The following SLC25A28 variants were observed in gnomAD, a reference collection of about 807,000 sequenced individuals.
SLC25A28 encodes the protein solute carrier family 25 member 28, also known as mitoferrin-2.
Under a neutral mutation model 31.9 loss-of-function variants are expected in SLC25A28, and 10 were observed. The ratio of observed to expected loss-of-function variants is 0.31; its 90% confidence interval spans 0.19 to 0.53. The LOEUF (loss-of-function observed/expected upper bound fraction) is 0.53. Among genes scored for constraint, SLC25A28 ranks in the 20% least tolerant of loss-of-function variants. The pLI is 0.95. For synonymous variants in SLC25A28, 208 were observed against 203.6 expected, an observed-to-expected ratio of 1.02 and a Z score of -0.19; for missense variants, 256 against 490.3, an observed-to-expected ratio of 0.52 and a Z score of 4.51.
At chr10:99,655,934 G>A in the SLC25A28 span, among the ~76,000 whole-genome samples, 2 of 152,124 alleles carry the variant, frequency 1.3e-5, no homozygotes, top group Non-Finnish European at 2.9e-5. Flanking sequence ...GGCTATCAGC[G>A]GGATCTCCCA....
the SLC25A28 span, among the ~76,000 whole-genome samples, chr10:99,658,918 T>C: frequency 1.3e-5 from 2 of 152,320 alleles, no homozygotes; most frequent in Non-Finnish European, 2.9e-5. Context: ...AGACATTCAA[T>C]GAATGAATGA....
intron 1 of SLC25A28, chr10:99,616,974 A>G (rs2034671641): frequency 6.1e-6 from 6 of 984,910 alleles, no homozygotes; most frequent in Non-Finnish European, 7.2e-6. Flanking sequence ...CAAATAAGCT[A>G]ATGTTTCCAT....
chr10:99,619,220 T>G, intron 1 of SLC25A28: 1 of 985,422 alleles, frequency 1.0e-6, no homozygotes, highest in Non-Finnish European at 1.2e-6. Flanking sequence ...TGTTGATCTC[T>G]TTCCATTTTC....
the SLC25A28 span, among the ~76,000 whole-genome samples, chr10:99,648,653 A>G: frequency 7.0e-6 from 1 of 142,124 alleles, no homozygotes; most frequent in Non-Finnish European, 1.5e-5. Flanking sequence ...CCTTATAAAG[A>G]TCTTTCACTT....
chr10:99,652,564 C>T, the SLC25A28 span, among the ~76,000 whole-genome samples: 2 of 152,098 alleles, frequency 1.3e-5, no homozygotes, highest in African/African-American at 4.8e-5. Flanking sequence ...ATGTGCCATT[C>T]CTAGGGCCAG....
intron 1 of SLC25A28, chr10:99,616,112 A>G (rs2034646446): frequency 1.0e-6 from 1 of 985,326 alleles, no homozygotes; most frequent in Admixed American, 6.1e-5. Flanking sequence ...TTACAGAAAG[A>G]TGAAATATCT....
At chr10:99,640,635 A>T in the SLC25A28 span, among the ~76,000 whole-genome samples, 3 of 152,128 alleles carry the variant, frequency 2.0e-5, no homozygotes, top group South Asian at 2.1e-4. Context: ...TTACATATGT[A>T]TACATGTGCC....
At position 99,613,459 on chromosome 10, in the gene SLC25A28, C is replaced by CAAGCTGGTAGGTAAGGGAGGA; in HGVS notation, c.520+216_520+236dup. The CAAGCTGGTAGGTAAGGGAGGA allele has an allele frequency of 2.2e-6, 3 of 1,394,510 alleles. No homozygotes were observed. Among genetic ancestry groups the CAAGCTGGTAGGTAAGGGAGGA allele is most frequent in the Non-Finnish European group, 2.8e-6 (3 of 1,074,930 alleles). The allele number at this position is 1,394,510 out of a possible 1,614,324, so 86.4% of individuals were successfully genotyped here. On this transcript the variant is annotated intron_variant, in intron 2 of 3. Transcript: ENST00000370495. The surrounding 1 kb of genome is among the most constrained non-coding windows in gnomAD (Gnocchi z 4.9). ...TGCCAGGGAGATGAGAGGAACAAGT[C>CAAGCTGGTAGGTAAGGGAGGA]AAGCTGGTAGGTAAGGGAGGATACT...
the SLC25A28 span, among the ~76,000 whole-genome samples, chr10:99,658,377 C>CCAGG: frequency 6.6e-6 from 1 of 152,110 alleles, no homozygotes; most frequent in Non-Finnish European, 1.5e-5. Context: ...GTTTTATCTG[C>CCAGG]CAGGCAGTGG....
chr10:99,612,642 C>A, intron 2 of SLC25A28, 43 bp from the exon 3 acceptor site: 1 of 1,612,332 alleles, frequency 6.2e-7, no homozygotes, highest in South Asian at 1.1e-5. Context: ...GCCAAGAGAG[C>A]TGACCAACTC....
At chr10:99,650,627 A>G in the SLC25A28 span, among the ~76,000 whole-genome samples, 1 of 151,410 alleles carries the variant, frequency 6.6e-6, no homozygotes, top group Non-Finnish European at 1.5e-5. Flanking sequence ...GGGAAATGCA[A>G]TCCGCTCACA....
Position 99,612,531 on chromosome 10 carries a change from A to G in SLC25A28, c.577+12T>C, listed in dbSNP as rs1013873282. 4.3e-6 allele frequency: 7 copies of G among 1,614,072 alleles called. No individual in the cohort carries two copies. Among genetic ancestry groups the G allele is most frequent in the Middle Eastern group, 1.6e-4 (1 of 6,062 alleles). On this transcript the variant is annotated intron_variant, in intron 3 of 3. Coordinates refer to ENST00000370495, the MANE Select transcript of SLC25A28 (RefSeq NM_031212.4). ...CAGCTGCCCACAGAGTGATAGGTTG[A>G]GGAATCATTACCTTCCGCAGGGTTC...
chr10:99,615,621 TCCCC>T, intron 1 of SLC25A28: 1 of 985,276 alleles, frequency 1.0e-6, no homozygotes, highest in Non-Finnish European at 1.2e-6. Flanking sequence ...CTTTCCTACT[TCCCC>T]CCACAAAACC....
At chr10:99,645,679 C>T in the SLC25A28 span, among the ~76,000 whole-genome samples, 1 of 152,160 alleles carries the variant, frequency 6.6e-6, no homozygotes, top group Admixed American at 6.5e-5. Context: ...GGTTTCTCTC[C>T]ATCTTTGTGG....
chr10:99,647,395 C>T, the SLC25A28 span, among the ~76,000 whole-genome samples: 1 of 152,152 alleles, frequency 6.6e-6, no homozygotes, highest in South Asian at 2.1e-4. Context: ...TTTTCAGTTG[C>T]ATTTCTCTGA....
upstream of SLC25A28, chr10:99,621,249 C>G (rs1247960359): frequency 6.5e-6 from 1 of 152,836 alleles, no homozygotes; most frequent in African/African-American, 2.4e-5. Flanking sequence ...CACTGAGCCT[C>G]GCATCCACAT....
chr10:99,647,148 T>A, the SLC25A28 span, among the ~76,000 whole-genome samples: 2 of 152,238 alleles, frequency 1.3e-5, no homozygotes, highest in African/African-American at 4.8e-5. Context: ...CTTTTTGATA[T>A]AATCATTTTT....
chr10:99,624,018 T>A (rs1452768411), upstream of SLC25A28, among the ~76,000 whole-genome samples: 1 of 152,124 alleles, frequency 6.6e-6, no homozygotes, highest in Non-Finnish European at 1.5e-5. Flanking sequence ...GGTTGGGGCC[T>A]AAGATTCTTC....
At chr10:99,643,346 A>G in the SLC25A28 span, among the ~76,000 whole-genome samples, 5 of 152,096 alleles carry the variant, frequency 3.3e-5, no homozygotes, top group South Asian at 2.1e-4. Context: ...TTTCTAGTTT[A>G]TTTCCTTAGA....
Sources: gnomAD v4.1 joint callset for allele counts (sites outside exome capture counted in the v4.1 genomes callset) on GRCh38, gnomAD v4.1.1 for gene constraint, Gnocchi (gnomAD v3.1) non-coding constraint, MANE v1.5 for transcripts, NCBI Gene and HGNC (gene_info 2026-07-23, HGNC 2026-07-21) for gene names.